SRFBP1: variants seen among roughly 807,000 people sequenced by gnomAD.
The protein encoded by SRFBP1 is serum response factor binding protein 1, also known as serum response factor-binding protein 1.
Under a neutral mutation model 45.5 loss-of-function variants are expected in SRFBP1, and 47 were observed. The observed-to-expected ratio is 1.03, with a 90% CI of 0.82 to 1.32. The LOEUF (loss-of-function observed/expected upper bound fraction) is 1.32. Among genes scored for constraint, SRFBP1 ranks in the 40% most tolerant of loss-of-function variants. The pLI is 0.00. For missense variants in SRFBP1, 621 were observed against 484.6 expected, an observed-to-expected ratio of 1.28 and a Z score of -2.64; for synonymous variants, 203 against 166.3, an observed-to-expected ratio of 1.22 and a Z score of -1.70.
chr5:122,029,096 A>G (rs529557777), downstream of SRFBP1, among the ~76,000 whole-genome samples: 6 of 152,184 alleles, frequency 3.9e-5, 1 homozygote, highest in East Asian at 9.6e-4. Context: ...ACATTTGGCA[A>G]CATCATCTGG....
At chr5:121,990,428 G>C (rs747683281) in intron 3 of SRFBP1, among the ~76,000 whole-genome samples, 10 of 152,132 alleles carry the variant, frequency 6.6e-5, no homozygotes, top group Non-Finnish European at 1.3e-4. Flanking sequence ...GACTACTAGC[G>C]GGTGGAGTGG....
intron 4 of SRFBP1, among the ~76,000 whole-genome samples, chr5:121,995,085 G>A (rs1031378792): frequency 6.6e-6 from 1 of 151,500 alleles, no homozygotes; most frequent in Admixed American, 6.6e-5. Context: ...ACACCCCACT[G>A]TCAACATTAG....
downstream of SRFBP1, chr5:122,077,020 C>T: frequency 6.2e-7 from 1 of 1,611,236 alleles, no homozygotes; most frequent in African/African-American, 1.3e-5. This position sits in a 1 kb window ranked among gnomAD's most constrained non-coding sequence, Gnocchi z 4.9. Flanking sequence ...CAGCAGGCGA[C>T]GGGCGCAGCA....
chr5:121,989,647 C>G (rs1395781874), intron 3 of SRFBP1, among the ~76,000 whole-genome samples: 1 of 152,166 alleles, frequency 6.6e-6, no homozygotes, highest in East Asian at 1.9e-4. Context: ...CTTAGTTTTC[C>G]ATTTGGCATG....
downstream of SRFBP1, among the ~76,000 whole-genome samples, chr5:122,029,082 G>C (rs1753550928): frequency 6.6e-6 from 1 of 152,054 alleles, no homozygotes; most frequent in Non-Finnish European, 1.5e-5. Context: ...TTTCCCCCCA[G>C]GGAACATTTG....
chr5:122,019,150 C>A, intron 4 of SRFBP1, 110 bp from the exon 5 acceptor site: 4 of 875,492 alleles, frequency 4.6e-6, no homozygotes, highest in Non-Finnish European at 7.3e-6. Context: ...TTAACTAGTT[C>A]TATTCTCCAA....
At chr5:122,069,653 G>A (rs1754395268) in intron 2 of SRFBP1, among the ~76,000 whole-genome samples, 1 of 152,040 alleles carries the variant, frequency 6.6e-6, no homozygotes, top group Non-Finnish European at 1.5e-5. Flanking sequence ...TATGGCAGTG[G>A]TTTTCAAAAT....
intron 3 of SRFBP1, among the ~76,000 whole-genome samples, chr5:121,976,256 A>G (rs978663163): frequency 2.6e-5 from 4 of 151,714 alleles, no homozygotes; most frequent in Admixed American, 1.3e-4. Flanking sequence ...CTAGGAAACG[A>G]CTCTTTGATA....
Position 122,027,121 on chromosome 5 carries a change from G to A in SRFBP1, c.1285G>A (p.Asp429Asn), listed in dbSNP as rs534224944. ...VFQGKKITFD[D>N] ...TCAGGGGAAAAAAATTACGTTTGAT[G>A]ATTGATTAGTGCCTCTTTCTGCAAA... Residue 429 changes from aspartate (D) to asparagine (N), a missense_variant, in exon 8 of 8, where the codon GAT (aspartate) becomes AAT (asparagine). Asp to Asn is a conservative substitution (Grantham distance 23). Coordinates refer to ENST00000339397, the MANE Select transcript of SRFBP1 (RefSeq NM_152546.3). 1.9e-6 allele frequency: 3 copies of A among 1,598,514 alleles called. No homozygotes were observed. The South Asian group carries it at 3.4e-5, about 18-fold the overall frequency.
At chr5:122,009,186 ATATCCACTT>A (rs1753038972) in intron 4 of SRFBP1, among the ~76,000 whole-genome samples, 1 of 152,136 alleles carries the variant, frequency 6.6e-6, no homozygotes, top group Admixed American at 6.5e-5. Flanking sequence ...GGTCATTTGC[ATATCCACTT>A]TTATGTAGCG....
chr5:122,045,113 G>C (rs762241613), intron 2 of SRFBP1, among the ~76,000 whole-genome samples: 1 of 152,128 alleles, frequency 6.6e-6, no homozygotes, highest in Non-Finnish European at 1.5e-5. Flanking sequence ...TATGAACAGA[G>C]AGTCCTATCC....
chr5:122,018,374 G>A (rs1361244882), intron 4 of SRFBP1, among the ~76,000 whole-genome samples: 1 of 152,150 alleles, frequency 6.6e-6, no homozygotes, highest in Non-Finnish European at 1.5e-5. Flanking sequence ...GAAATGGTGA[G>A]AAGCGACTGG....
intron 1 of SRFBP1, among the ~76,000 whole-genome samples, chr5:121,965,001 G>C (rs1752033462): frequency 6.6e-6 from 1 of 152,186 alleles, no homozygotes; most frequent in South Asian, 2.1e-4. Context: ...CTTTTGAGAA[G>C]TGTCTGTTCA....
intron 2 of SRFBP1, among the ~76,000 whole-genome samples, chr5:122,052,796 GC>G (rs1180468893): frequency 5.9e-5 from 9 of 152,158 alleles, no homozygotes; most frequent in African/African-American, 2.2e-4. Context: ...GGCAAATAGT[GC>G]AGTCATTTGG....
At chr5:122,035,601 A>T (rs1343905735) in intron 2 of SRFBP1, among the ~76,000 whole-genome samples, 2 of 152,010 alleles carry the variant, frequency 1.3e-5, no homozygotes, top group African/African-American at 4.8e-5. Context: ...TGATTTTGTA[A>T]TTTTTTCTAT....
intron 2 of SRFBP1, among the ~76,000 whole-genome samples, chr5:122,039,399 TA>T (rs1343856481): frequency 6.6e-6 from 1 of 152,164 alleles, no homozygotes; most frequent in Non-Finnish European, 1.5e-5. Flanking sequence ...GGATATTTGG[TA>T]ACCAGAAGGA....
intron 3 of SRFBP1, among the ~76,000 whole-genome samples, chr5:121,977,924 AATAGTGT>A (rs902738575): frequency 3.3e-5 from 5 of 152,278 alleles, no homozygotes; most frequent in Non-Finnish European, 7.4e-5. Context: ...CCTTTTCTAT[AATAGTGT>A]CCATACTTTT....
rs963142313 is a variant in SRFBP1, at chr5:122,026,993, C to T, written c.1157C>T (p.Ser386Leu). 2 of 1,612,886 alleles carry T rather than the reference C, an allele frequency of 1.2e-6. No homozygotes were observed. Among genetic ancestry groups the T allele is most frequent in the Non-Finnish European group, 1.7e-6 (2 of 1,179,724 alleles). The change falls in exon 8 of 8, where the codon TCA becomes TTA. Residue 386 changes from serine to leucine, a missense_variant. Coordinates refer to ENST00000339397, the MANE Select transcript of SRFBP1 (RefSeq NM_152546.3). Reference sequence around the variant, plus strand: ...AAGAATCAGTTTAATAAGAAGCTATCAGGAAGACTTGAAAATACAAAACAG... The same window carrying T: ...AAGAATCAGTTTAATAAGAAGCTATTAGGAAGACTTGAAAATACAAAACAG... ...QIKNQFNKKL[S>L]GRLENTKQQL...
At chr5:122,010,377 C>T (rs1261140083) in intron 4 of SRFBP1, among the ~76,000 whole-genome samples, 1 of 151,960 alleles carries the variant, frequency 6.6e-6, no homozygotes, top group African/African-American at 2.4e-5. Flanking sequence ...ATTTAGAAAT[C>T]GATCCACTGC....
Sources: gnomAD v4.1 joint callset for allele counts (sites outside exome capture counted in the v4.1 genomes callset) on GRCh38, gnomAD v4.1.1 for gene constraint, Gnocchi (gnomAD v3.1) non-coding constraint, MANE v1.5 for transcripts, NCBI Gene and HGNC (gene_info 2026-07-23, HGNC 2026-07-21) for gene names.